MTMR9: variants seen among roughly 807,000 people sequenced by gnomAD.
The protein encoded by MTMR9 is myotubularin-related protein 9.
Under a neutral mutation model 69.5 loss-of-function variants are expected in MTMR9, and 39 were observed. The ratio of observed to expected loss-of-function variants is 0.56; its 90% confidence interval spans 0.43 to 0.73. The LOEUF (loss-of-function observed/expected upper bound fraction) is 0.73. MTMR9 is among the 30% of genes least tolerant of loss of function. MTMR9 has a pLI of 0.00. For missense variants in MTMR9, 900 were observed against 671.2 expected, an observed-to-expected ratio of 1.34 and a Z score of -3.77; for synonymous variants, 354 against 240.8, an observed-to-expected ratio of 1.47 and a Z score of -4.35.
intron 8 of MTMR9, chr8:11,318,566 C>T (rs989008856): frequency 1.3e-5 from 2 of 152,132 alleles, no homozygotes; most frequent in African/African-American, 4.8e-5. Flanking sequence ...AATGTATTAT[C>T]TTTTTGGTTG....
intron 3 of MTMR9, among the ~76,000 whole-genome samples, chr8:11,301,771 A>G (rs1279554320): frequency 3.3e-5 from 5 of 152,238 alleles, no homozygotes; most frequent in Admixed American, 1.3e-4. Flanking sequence ...AAGATAAAAG[A>G]ATAATCTAAT....
chr8:11,294,440 T>C (rs998624360), intron 1 of MTMR9, among the ~76,000 whole-genome samples: 2 of 152,002 alleles, frequency 1.3e-5, no homozygotes, highest in African/African-American at 4.8e-5. Flanking sequence ...TGCTGAGAAA[T>C]TTTTGGTTTT....
In MTMR9 at chr8:11,326,481, G is replaced by A. The variant is rs567767452; in HGVS notation, c.*3693G>A. 1.3e-5 allele frequency: 2 copies of A among 152,118 alleles called. No homozygotes were observed. Among genetic ancestry groups the A allele is most frequent in the South Asian group, 4.2e-4 (2 of 4,808 alleles). The allele number at this position is 152,118 out of a possible 1,614,324, so 9.4% of individuals were successfully genotyped here. A position where few individuals can be genotyped will look rare whatever the true frequency, so the allele number is the denominator to read the frequency against. On this transcript the variant is annotated 3_prime_UTR_variant, in exon 10 of 10. Transcript: ENST00000221086. ...CATCTGATAAAGTTTTGTTGTTGTT[G>A]TTGTTGTTGTTGTTTTAATTGGGCA...
intron 2 of MTMR9, among the ~76,000 whole-genome samples, chr8:11,297,512 TG>T (rs1420145283): frequency 1.7e-4 from 26 of 151,384 alleles, no homozygotes; most frequent in African/African-American, 5.8e-4. Flanking sequence ...TGAGCATGTA[TG>T]TGTTTGTGGG....
intron 6 of MTMR9, among the ~76,000 whole-genome samples, chr8:11,312,414 A>G (rs1247863015): frequency 6.6e-6 from 1 of 152,150 alleles, no homozygotes; most frequent in Non-Finnish European, 1.5e-5. Flanking sequence ...TGGCACAGCC[A>G]TAGCTCATTT....
the MTMR9 span, among the ~76,000 whole-genome samples, chr8:11,336,705 G>T: frequency 6.6e-6 from 1 of 152,118 alleles, no homozygotes; most frequent in Non-Finnish European, 1.5e-5. Flanking sequence ...TTCTTCCTCT[G>T]TGTGCCGGTC....
Position 11,309,542 on chromosome 8 carries a change from G to A in MTMR9, c.825G>A (p.Gln275=), listed in dbSNP as rs1311794271. 1 of 1,613,254 alleles carries A rather than the reference G, an allele frequency of 6.2e-7. No homozygotes were observed. Among genetic ancestry groups the A allele is most frequent in the Non-Finnish European group, 8.5e-7 (1 of 1,179,590 alleles). ...HKSIERYHIL[Q]ESLIKLVEAC... Reference sequence around the variant, plus strand: ...CTTTTAAAAGGTATCACATTCTTCAGGAGAGCTTAATCAAACTTGTGGAAG... The same window carrying A: ...CTTTTAAAAGGTATCACATTCTTCAAGAGAGCTTAATCAAACTTGTGGAAG... The change falls in exon 6 of 10, where the codon CAG becomes CAA. Residue 275 remains glutamine, a synonymous_variant. Transcript: ENST00000221086.
At chr8:11,311,304 A>G (rs112835095) in intron 6 of MTMR9, among the ~76,000 whole-genome samples, 2 of 152,222 alleles carry the variant, frequency 1.3e-5, no homozygotes, top group African/African-American at 4.8e-5. Flanking sequence ...ATCATCTACA[A>G]TGTAACAAAA....
chr8:11,328,447 A>C (rs941322033), downstream of MTMR9, among the ~76,000 whole-genome samples: 1 of 152,092 alleles, frequency 6.6e-6, no homozygotes, highest in African/African-American at 2.4e-5. Context: ...AATACTTCAC[A>C]GGAATCTCCC....
chr8:11,295,511 T>C (rs1799524227), intron 2 of MTMR9, among the ~76,000 whole-genome samples: 1 of 152,236 alleles, frequency 6.6e-6, no homozygotes, highest in South Asian at 2.1e-4. Flanking sequence ...TCACGTTATA[T>C]GAGTAGCTCA....
rs774400600 is a variant in MTMR9 at position 11,316,668 on chromosome 8, C to A, written c.1114-5C>A. 5 of 1,589,442 alleles carry A rather than the reference C, an allele frequency of 3.1e-6. No homozygotes were observed. The Admixed American group carries it at 7.1e-5, about 23-fold the overall frequency. Reference sequence around the variant, plus strand: ...ATGACTGTCACGCCTCCATCTTCCCCCTAGGCTGGTCACCCATTCCAGCAG... The same window carrying A: ...ATGACTGTCACGCCTCCATCTTCCCACTAGGCTGGTCACCCATTCCAGCAG... On this transcript the variant is annotated splice_region_variant and splice_polypyrimidine_tract_variant and intron_variant, in intron 7 of 9. Coordinates refer to ENST00000221086, the MANE Select transcript of MTMR9 (RefSeq NM_015458.4).
At chr8:11,331,496 T>A (rs768508019), downstream of MTMR9, 2 of 1,613,936 alleles carry the variant, frequency 1.2e-6, no homozygotes, top group Non-Finnish European at 1.7e-6. Flanking sequence ...CTGGCAACGC[T>A]GCCACTGTTC....
chr8:11,303,963 C>G (rs1435181910), intron 3 of MTMR9, among the ~76,000 whole-genome samples: 2 of 152,140 alleles, frequency 1.3e-5, no homozygotes, highest in Non-Finnish European at 2.9e-5. Flanking sequence ...GTACGTCTAA[C>G]ATACTTTTTA....
intron 6 of MTMR9, among the ~76,000 whole-genome samples, chr8:11,310,108 G>C (rs1800136568): frequency 6.6e-6 from 1 of 152,160 alleles, no homozygotes; most frequent in South Asian, 2.1e-4. Flanking sequence ...ACAGTAAAAT[G>C]ATCCTTTCTA....
At chr8:11,320,095 T>A in intron 9 of MTMR9, 1 of 388,594 alleles carries the variant, frequency 2.6e-6, no homozygotes, top group Non-Finnish European at 4.6e-6. Context: ...TTTTTCTAGA[T>A]AAGAAAGTAC....
rs76160728 is a variant in MTMR9 at position 11,304,804 on chromosome 8, A to G, written c.418-37A>G. ...TCTCAGATTATTTTGCGACATTGAG[A>G]TAGTTGCTTAGCTTTGAAGTATTTT... On this transcript the variant is annotated intron_variant, in intron 3 of 9. Transcript: ENST00000221086. 834 of 1,596,350 alleles carry G rather than the reference A, an allele frequency of 5.2e-4. 4 individuals carry two copies. In the African/African-American group the frequency reaches 0.01, roughly 20 times the overall value.
chr8:11,289,454 A>G (rs1041509641), intron 1 of MTMR9, among the ~76,000 whole-genome samples: 6 of 152,148 alleles, frequency 3.9e-5, no homozygotes, highest in Non-Finnish European at 7.4e-5. Flanking sequence ...TTCAACATGC[A>G]AGGTTGTATA....
chr8:11,310,913 T>C (rs975470053), intron 6 of MTMR9, among the ~76,000 whole-genome samples: 1 of 152,200 alleles, frequency 6.6e-6, no homozygotes, highest in African/African-American at 2.4e-5. Context: ...TCATTTAGTT[T>C]GAGCTGGCCA....
At chr8:11,294,597 G>T (rs1307729342) in intron 1 of MTMR9, among the ~76,000 whole-genome samples, 1 of 146,324 alleles carries the variant, frequency 6.8e-6, no homozygotes, top group Non-Finnish European at 1.5e-5. Context: ...TGCCTCCCGG[G>T]TTCAAGCGAT....
Sources: gnomAD v4.1 joint callset for allele counts (sites outside exome capture counted in the v4.1 genomes callset) on GRCh38, gnomAD v4.1.1 for gene constraint, MANE v1.5 for transcripts, NCBI Gene and HGNC (gene_info 2026-07-23, HGNC 2026-07-21) for gene names.